The following SPINK9 variants were observed in gnomAD, a reference collection of about 807,000 sequenced individuals.
SPINK9 encodes the protein serine protease inhibitor Kazal-type 9.
SPINK9 carries 3 observed loss-of-function variants against 10.8 expected under a neutral mutation model. The ratio of observed to expected loss-of-function variants is 0.28; its 90% CI spans 0.13 to 0.72. The LOEUF is 0.72. Ranked by LOEUF, SPINK9 falls within the 30% of genes least tolerant of loss-of-function variation. The pLI, the probability that SPINK9 is intolerant of heterozygous loss-of-function variation, is 0.74. For synonymous variants in SPINK9, 30 were observed against 31.2 expected (o/e 0.96, Z 0.12); for missense variants, 101 against 103.2 (o/e 0.98, Z 0.09).
Position 148,338,468 on chromosome 5 carries a change from G to T in SPINK9, c.88-10G>T, listed in dbSNP as rs571191476. Reference sequence around the variant, plus strand: ...TGAAAGAGTTGAAGGTTTTTAATATGTTTTTTCAGGTTGACTGCAGTCATT... The same window carrying T: ...TGAAAGAGTTGAAGGTTTTTAATATTTTTTTTCAGGTTGACTGCAGTCATT... On this transcript the variant is annotated splice_polypyrimidine_tract_variant and intron_variant, in intron 2 of 3. Coordinates refer to ENST00000377906, the MANE Select transcript of SPINK9 (RefSeq NM_001040433.2). 1 of 1,586,516 alleles carries T rather than the reference G, an allele frequency of 6.3e-7. No individual in the cohort carries two copies. The highest frequency in any genetic ancestry group is 2.3e-5 in the East Asian group (1 of 44,362).
At position 148,338,489 on chromosome 5, in the gene SPINK9, T is replaced by A; in HGVS notation, c.99T>A (p.Ser33Arg). 1 of 1,601,850 alleles carries A rather than the reference T, an allele frequency of 6.2e-7. No individual in the cohort carries two copies. The stretch of plus-strand genomic sequence containing the variant: ...ATATGTTTTTTCAGGTTGACTGCAG[T>A]CATTATAAAAAGTTACCACCAGGAC... Reference protein sequence around the residue: ...AKQTKQMVDCSHYKKLPPGQQ... With the variant: ...AKQTKQMVDCRHYKKLPPGQQ... Residue 33 changes from serine to arginine, a missense_variant, in exon 3 of 4, where the codon AGT becomes AGA. Physicochemically the swap from Ser to Arg is moderately radical, Grantham distance 110. Coordinates refer to ENST00000377906, the MANE Select transcript of SPINK9 (RefSeq NM_001040433.2).
chr5:148,336,360 T>G, intron 1 of SPINK9, 62 bp from the exon 2 acceptor site: 1 of 1,547,734 alleles, frequency 6.5e-7, no homozygotes, highest in East Asian at 2.2e-5. Flanking sequence ...CAAAGATTCT[T>G]TTTCTAGTAA....
chr5:148,336,402 T>C lies in SPINK9; in HGVS notation c.56-20T>C, dbSNP rs774417431. On this transcript the variant is annotated intron_variant, in intron 1 of 3. Transcript: ENST00000377906. ...GTTCTTCCAGAGTTTAATATTGCCT[T>C]GTCTTTGTTTTTCTTCCAGGTATAG... The C allele has an allele frequency of 1.8e-5, 29 of 1,613,092 alleles. No homozygotes were observed. The highest frequency in any genetic ancestry group is 2.4e-5 in the Non-Finnish European group (28 of 1,179,364).
chr5:148,338,693 T>C (rs1051607286), intron 3 of SPINK9, 88 bp downstream of exon 3: 1 of 1,010,682 alleles, frequency 9.9e-7, no homozygotes. Context: ...GCCTAAGGAA[T>C]ATGTGAATCA....
chr5:148,335,378 G>C (rs773529299), upstream of SPINK9, among the ~76,000 whole-genome samples: 1 of 152,140 alleles, frequency 6.6e-6, no homozygotes, highest in African/African-American at 2.4e-5. Flanking sequence ...CATCAGCCTG[G>C]GTTTGGGGAC....
intron 2 of SPINK9, among the ~76,000 whole-genome samples, chr5:148,327,040 G>T (rs1757071181): frequency 6.6e-6 from 1 of 152,088 alleles, no homozygotes; most frequent in African/African-American, 2.4e-5. Flanking sequence ...GTAATGGGAT[G>T]GCTGGGTCAA....
At chr5:148,333,434 G>A (rs574190040), upstream of SPINK9, among the ~76,000 whole-genome samples, 19 of 152,318 alleles carry the variant, frequency 1.2e-4, no homozygotes, top group South Asian at 3.3e-3. Flanking sequence ...TGAGTTAAAC[G>A]GGGCTAGCCC....
chr5:148,333,658 T>C (rs1581188915), upstream of SPINK9, among the ~76,000 whole-genome samples: 1 of 152,208 alleles, frequency 6.6e-6, no homozygotes, highest in Non-Finnish European at 1.5e-5. Flanking sequence ...CTGTGAGGCA[T>C]GTCTTATGGA....
intron 2 of SPINK9, among the ~76,000 whole-genome samples, chr5:148,325,316 T>C (rs554635887): frequency 6.6e-6 from 1 of 152,228 alleles, no homozygotes; most frequent in South Asian, 2.1e-4. Flanking sequence ...TAATTCTATG[T>C]TTAACTTTTT....
chr5:148,331,774 A>T (rs1008236622), upstream of SPINK9, among the ~76,000 whole-genome samples: 1 of 152,198 alleles, frequency 6.6e-6, no homozygotes. Flanking sequence ...ATAAAATAAA[A>T]CTATATTTCA....
intron 1 of SPINK9, among the ~76,000 whole-genome samples, chr5:148,322,568 C>G (rs1330379647): frequency 6.6e-6 from 1 of 152,198 alleles, no homozygotes; most frequent in Non-Finnish European, 1.5e-5. Context: ...GGACCAAATA[C>G]TATTTCCAGA....
At chr5:148,327,728 A>G (rs1437376980) in intron 2 of SPINK9, among the ~76,000 whole-genome samples, 4 of 151,320 alleles carry the variant, frequency 2.6e-5, no homozygotes, top group Admixed American at 6.6e-5. Flanking sequence ...ACATATGGCT[A>G]GCCAGTTTTC....
chr5:148,336,061 C>T (rs1027347445), intron 1 of SPINK9, among the ~76,000 whole-genome samples: 1 of 151,968 alleles, frequency 6.6e-6, no homozygotes, highest in South Asian at 2.1e-4. Flanking sequence ...AACCACTGTT[C>T]CAACATCTGT....
rs1477168451 is a variant in SPINK9 at position 148,339,775 on chromosome 5, C to T, written c.*63C>T. 12 of 1,387,566 alleles carry T rather than the reference C, an allele frequency of 8.6e-6. No homozygotes were observed. The East Asian group carries it at 2.8e-4, about 32-fold the overall frequency. 86.0% of individuals were successfully genotyped at this position (1,387,566 alleles called of 1,614,324 possible). A position where few individuals can be genotyped will look rare whatever the true frequency, so the allele number is the denominator to read the frequency against. ...TATTCACAAGAGTCACATTTCTGTT[C>T]CCATATTATCTATGCCACATTGCCT... On this transcript the variant is annotated 3_prime_UTR_variant, in exon 4 of 4. Coordinates refer to ENST00000377906, the MANE Select transcript of SPINK9 (RefSeq NM_001040433.2).
At chr5:148,336,544 T>C (rs1410077428) in intron 2 of SPINK9, 91 bp downstream of exon 2, 1 of 1,326,776 alleles carries the variant, frequency 7.5e-7, no homozygotes, top group South Asian at 1.2e-5. Flanking sequence ...TTTCTATATG[T>C]TTGAATATTT....
chr5:148,338,363 A>G (rs1477487027), intron 2 of SPINK9, 115 bp from the exon 3 acceptor site: 23 of 895,826 alleles, frequency 2.6e-5, no homozygotes, highest in Non-Finnish European at 3.7e-5. Flanking sequence ...ATGAGAACCA[A>G]CAATTGTAAT....
intron 2 of SPINK9, 105 bp from the exon 3 acceptor site, chr5:148,338,373 T>C: frequency 2.0e-6 from 2 of 986,406 alleles, no homozygotes; most frequent in Admixed American, 2.8e-5. Flanking sequence ...ACAATTGTAA[T>C]AAGAAACATG....
At chr5:148,336,345 TA>T in intron 1 of SPINK9, 76 bp from the exon 2 acceptor site, 1 of 1,469,426 alleles carries the variant, frequency 6.8e-7, no homozygotes, top group Non-Finnish European at 9.5e-7. Flanking sequence ...AGCTAAAGCA[TA>T]AATCAAAGAT....
intron 2 of SPINK9, among the ~76,000 whole-genome samples, chr5:148,330,475 T>C (rs1407230643): frequency 3.3e-5 from 5 of 152,348 alleles, no homozygotes; most frequent in Admixed American, 1.3e-4. Flanking sequence ...CCAGTCTGTG[T>C]CTTTTAATTG....
Sources: allele counts gnomAD v4.1 joint callset (sites outside exome capture counted in the v4.1 genomes callset), GRCh38; gene constraint gnomAD v4.1.1; transcripts MANE v1.5; gene names NCBI Gene and HGNC (gene_info 2026-07-23, HGNC 2026-07-21).